The following FEZ2 variants were observed in gnomAD, a reference collection of about 807,000 sequenced individuals.
FEZ2 encodes the protein fasciculation and elongation protein zeta-2.
In FEZ2, 51 loss-of-function variants were observed where a neutral mutation model predicts 40.4. The ratio of observed to expected loss-of-function variants is 1.26; its 90% confidence interval spans 1.01 to 1.59. The LOEUF is 1.59. Ranked by LOEUF, FEZ2 falls within the 40% of genes most tolerant of loss-of-function variation. The probability of loss-of-function intolerance (pLI) is 0.00; values close to 1 mark genes in which losing one functional copy is unlikely to be tolerated. For missense variants in FEZ2, 640 were observed against 438.3 expected (o/e 1.46, Z -4.11); for synonymous variants, 242 against 172.0 (o/e 1.41, Z -3.18).
chr2:36,595,303 A>G (rs1669184042), intron 1 of FEZ2, among the ~76,000 whole-genome samples: 1 of 152,020 alleles, frequency 6.6e-6, no homozygotes, highest in South Asian at 2.1e-4. Flanking sequence ...CGTAGAATCA[A>G]TGGGAGCCCT....
intron 1 of FEZ2, among the ~76,000 whole-genome samples, chr2:36,596,654 G>C (rs902021901): frequency 6.6e-6 from 1 of 152,018 alleles, no homozygotes; most frequent in East Asian, 1.9e-4. Context: ...TTTTTGTAAA[G>C]ACCAGATTTC....
intron 5 of FEZ2, among the ~76,000 whole-genome samples, chr2:36,563,167 T>C (rs1668136667): frequency 6.6e-6 from 1 of 152,244 alleles, no homozygotes; most frequent in South Asian, 2.1e-4. Flanking sequence ...TACTGAGCCA[T>C]CTCAACTACT....
chr2:36,565,986 T>C (rs1668225961), intron 5 of FEZ2, among the ~76,000 whole-genome samples: 2 of 152,152 alleles, frequency 1.3e-5, no homozygotes, highest in South Asian at 4.1e-4. Flanking sequence ...CTAAAGCACA[T>C]TGGATGGTTC....
chr2:36,584,900 G>A (rs1429785625), intron 2 of FEZ2, among the ~76,000 whole-genome samples: 1 of 152,146 alleles, frequency 6.6e-6, no homozygotes, highest in Non-Finnish European at 1.5e-5. Context: ...ACATTAGGCT[G>A]GGAGAAGGGC....
At chr2:36,566,973 A>C (rs112405231) in intron 5 of FEZ2, among the ~76,000 whole-genome samples, 1,637 of 149,014 alleles carry the variant, frequency 0.011, 18 homozygotes, top group African/African-American at 0.039. Flanking sequence ...CTCTCTCTCT[A>C]TAGGACTAAA....
At chr2:36,564,000 TGGA>T (rs1196675109) in intron 5 of FEZ2, among the ~76,000 whole-genome samples, 2 of 152,224 alleles carry the variant, frequency 1.3e-5, no homozygotes, top group African/African-American at 4.8e-5. Context: ...GCTGTGCCTC[TGGA>T]TTCTGTCCCT....
chr2:36,556,614 AG>A (rs1404856402), intron 6 of FEZ2: 2 of 152,232 alleles, frequency 1.3e-5, no homozygotes, highest in Non-Finnish European at 2.9e-5. Flanking sequence ...TGTGACGCTG[AG>A]CAAGCTACTT....
chr2:36,566,210 G>A (rs999754599), intron 5 of FEZ2, among the ~76,000 whole-genome samples: 9 of 152,018 alleles, frequency 5.9e-5, no homozygotes, highest in African/African-American at 2.2e-4. Flanking sequence ...CACGGTGGCG[G>A]GCACCTGTAG....
intron 5 of FEZ2, among the ~76,000 whole-genome samples, chr2:36,570,780 A>G (rs1436208558): frequency 6.6e-6 from 1 of 152,236 alleles, no homozygotes; most frequent in East Asian, 1.9e-4. Context: ...GTATCTAAAT[A>G]TAGATAAACA....
chr2:36,598,168 C>CCGGCCCAGCCCG, upstream of FEZ2: 1 of 1,249,608 alleles, frequency 8.0e-7, no homozygotes, highest in Non-Finnish European at 1.0e-6. Context: ...TCGCGCGCCC[C>CCGGCCCAGCCCG]GCCCAGGCCG....
At chr2:36,591,627 A>G (rs10469898) in intron 1 of FEZ2, 63,415 of 152,204 alleles carry the variant, frequency 0.42, 13,742 homozygotes, top group East Asian at 0.64. Context: ...CAGATACAAC[A>G]AAAAGGAGAA....
Position 36,583,454 on chromosome 2 carries a change from G to C in FEZ2, c.391C>G (p.Leu131Val), listed in dbSNP as rs1462822432. ...TCTTCATCATCTGATGTATCAAAGA[G>C]CAAACTGTCACTTACCTAAAAACAA... ...LSEKGVSDSLLFDTSDDEELR... is the reference protein window; with the variant it reads ...LSEKGVSDSLVFDTSDDEELR... Residue 131 changes from leucine to valine, a missense_variant, in exon 3 of 8, where the codon CTC (leucine) becomes GTC (valine). Leu to Val is a conservative substitution (Grantham distance 32, BLOSUM62 1). Coordinates refer to ENST00000405912, the MANE Select transcript of FEZ2 (RefSeq NM_005102.3). The C allele has an allele frequency of 6.3e-7, 1 of 1,583,606 alleles. No individual in the cohort carries two copies. The highest frequency in any genetic ancestry group is 1.7e-5 in the Admixed American group (1 of 59,958).
At chr2:36,594,829 T>C (rs1319273436) in intron 1 of FEZ2, among the ~76,000 whole-genome samples, 1 of 152,242 alleles carries the variant, frequency 6.6e-6, no homozygotes, top group African/African-American at 2.4e-5. Flanking sequence ...GCAAATGGGA[T>C]GGAATATTTC....
chr2:36,585,809 T>C (rs1668884076), intron 2 of FEZ2, among the ~76,000 whole-genome samples: 1 of 152,194 alleles, frequency 6.6e-6, no homozygotes, highest in Non-Finnish European at 1.5e-5. Context: ...TGGGAGGGTA[T>C]AGTGTCAGGG....
At chr2:36,581,925 G>A (rs1474873245) in intron 3 of FEZ2, among the ~76,000 whole-genome samples, 2 of 151,914 alleles carry the variant, frequency 1.3e-5, no homozygotes, top group African/African-American at 2.4e-5. Context: ...CTCTATGACA[G>A]CAAAATATTC....
chr2:36,574,919 A>C (rs1214424597), intron 5 of FEZ2, among the ~76,000 whole-genome samples: 4 of 152,140 alleles, frequency 2.6e-5, no homozygotes, highest in Non-Finnish European at 4.4e-5. Context: ...CACTCCTTTA[A>C]CCTCCTCTTC....
chr2:36,560,738 A>C, intron 5 of FEZ2: 1 of 1,214,444 alleles, frequency 8.2e-7, no homozygotes, highest in Non-Finnish European at 1.2e-6. Flanking sequence ...TCACTTACAC[A>C]GAAAATGAAA....
chr2:36,587,593 A>T (rs1668938113), intron 2 of FEZ2, among the ~76,000 whole-genome samples: 1 of 152,240 alleles, frequency 6.6e-6, no homozygotes, highest in Admixed American at 6.5e-5. Context: ...TTAAAACTGC[A>T]ATCTAGCAAA....
chr2:36,578,828 G>C lies in FEZ2; in HGVS notation c.672C>G (p.Ile224Met), dbSNP rs1343138614. 2 of 1,613,046 alleles carry C rather than the reference G, an allele frequency of 1.2e-6. No homozygotes were observed. The highest frequency in any genetic ancestry group is 8.5e-7 in the Non-Finnish European group (1 of 1,179,626). Residue 224 changes from isoleucine (I) to methionine (M), a missense_variant, in exon 5 of 8, where the codon ATC becomes ATG. By Grantham distance (10) the Ile-to-Met change is conservative. Transcript: ENST00000405912. ...TAATGGCAGTCTCAATTTCTTCCAG[G>C]ATTTCATTTAACTCAGACACTGAGA... ...KRLSVSELNE[I>M]LEEIETAIKE...
Sources: allele counts gnomAD v4.1 joint callset (sites outside exome capture counted in the v4.1 genomes callset), GRCh38; gene constraint gnomAD v4.1.1; transcripts MANE v1.5; gene names NCBI Gene and HGNC (gene_info 2026-07-23, HGNC 2026-07-21).